Variants in MIS18A observed in about 807,000 individuals in gnomAD.
MIS18A encodes the protein protein Mis18-alpha.
Under a neutral mutation model 25.0 loss-of-function variants are expected in MIS18A, and 14 were observed. The observed-to-expected ratio is 0.56, with a 90% CI of 0.37 to 0.88. MIS18A has a LOEUF of 0.88. Among genes scored for constraint, MIS18A ranks in the 40% least tolerant of loss-of-function variants. MIS18A has a pLI of 0.00. For synonymous variants in MIS18A, 134 were observed against 118.6 expected (o/e 1.13, Z -0.84); for missense variants, 292 against 290.8 (o/e 1.00, Z -0.03).
chr21:32,263,180 A>G, the MIS18A span, among the ~76,000 whole-genome samples: 1 of 152,234 alleles, frequency 6.6e-6, no homozygotes, highest in Non-Finnish European at 1.5e-5. Flanking sequence ...TATTTATCCT[A>G]TCTGGGGAGA....
At chr21:32,175,619 C>A in the MIS18A span, among the ~76,000 whole-genome samples, 1 of 146,192 alleles carries the variant, frequency 6.8e-6, no homozygotes. Flanking sequence ...ACCAGCCTGC[C>A]CAACATAGTG....
At chr21:32,173,997 A>C in the MIS18A span, among the ~76,000 whole-genome samples, 1 of 110,508 alleles carries the variant, frequency 9.0e-6, no homozygotes, top group East Asian at 2.6e-4. Context: ...ACGGAGTCTC[A>C]CTCTGTTACC....
chr21:32,214,514 G>T, the MIS18A span, among the ~76,000 whole-genome samples: 6 of 152,072 alleles, frequency 3.9e-5, no homozygotes, highest in Non-Finnish European at 8.8e-5. Flanking sequence ...TGAGCTCTTG[G>T]GTTTTAAAAG....
chr21:32,277,367 T>A (rs1176968180), intron 1 of MIS18A, among the ~76,000 whole-genome samples: 1 of 152,196 alleles, frequency 6.6e-6, no homozygotes, highest in Non-Finnish European at 1.5e-5. Context: ...AGATGTAACA[T>A]CAAACACGTT....
chr21:32,170,885 C>A, the MIS18A span, among the ~76,000 whole-genome samples: 1 of 151,946 alleles, frequency 6.6e-6, no homozygotes, highest in South Asian at 2.1e-4. Flanking sequence ...AGGGGGGAAA[C>A]ATATGATCAT....
the MIS18A span, among the ~76,000 whole-genome samples, chr21:32,257,104 T>G: frequency 6.6e-6 from 1 of 152,160 alleles, no homozygotes; most frequent in Non-Finnish European, 1.5e-5. Flanking sequence ...GCTCTATGGC[T>G]GACATCCAAA....
the MIS18A span, among the ~76,000 whole-genome samples, chr21:32,167,085 G>A: frequency 6.6e-6 from 1 of 152,150 alleles, no homozygotes; most frequent in Non-Finnish European, 1.5e-5. Context: ...AAATTTCCAA[G>A]TTCTCAAACT....
the MIS18A span, among the ~76,000 whole-genome samples, chr21:32,232,563 C>T: frequency 1.3e-5 from 2 of 151,648 alleles, no homozygotes; most frequent in African/African-American, 4.8e-5. Context: ...TATTATTCAG[C>T]CTTTAAAAAA....
chr21:32,165,581 T>C, the MIS18A span, among the ~76,000 whole-genome samples: 1 of 144,714 alleles, frequency 6.9e-6, no homozygotes, highest in East Asian at 2.0e-4. Flanking sequence ...CTGTTCTTCA[T>C]GAACACCAGC....
chr21:32,216,415 C>T, the MIS18A span, among the ~76,000 whole-genome samples: 1 of 152,210 alleles, frequency 6.6e-6, no homozygotes, highest in Non-Finnish European at 1.5e-5. Context: ...ACCAACAATG[C>T]TGTCTTTATG....
At chr21:32,197,437 T>G in the MIS18A span, among the ~76,000 whole-genome samples, 1 of 152,206 alleles carries the variant, frequency 6.6e-6, no homozygotes, top group Non-Finnish European at 1.5e-5. Flanking sequence ...GACCACCGGT[T>G]CCAGCCATGC....
chr21:32,227,876 A>G, the MIS18A span, among the ~76,000 whole-genome samples: 6 of 152,242 alleles, frequency 3.9e-5, no homozygotes, highest in Admixed American at 2.6e-4. Flanking sequence ...TATCCCAGAA[A>G]TGCAATATGG....
At chr21:32,248,235 T>C in the MIS18A span, among the ~76,000 whole-genome samples, 54 of 152,320 alleles carry the variant, frequency 3.5e-4, no homozygotes, top group African/African-American at 1.3e-3. Flanking sequence ...AGCCGTGACA[T>C]TGACATGTGT....
At chr21:32,259,614 G>A in the MIS18A span, among the ~76,000 whole-genome samples, 1 of 152,180 alleles carries the variant, frequency 6.6e-6, no homozygotes, top group African/African-American at 2.4e-5. Flanking sequence ...AGCAGCAGGT[G>A]GTTTTCAATG....
the MIS18A span, among the ~76,000 whole-genome samples, chr21:32,256,889 A>G: frequency 6.6e-6 from 1 of 152,096 alleles, no homozygotes; most frequent in Non-Finnish European, 1.5e-5. Context: ...ATGCATGTGA[A>G]TAAGACTCAT....
the MIS18A span, among the ~76,000 whole-genome samples, chr21:32,218,242 C>T: frequency 6.8e-6 from 1 of 147,990 alleles, no homozygotes; most frequent in South Asian, 2.2e-4. Context: ...AAGAATCTGT[C>T]ACTTGCACCT....
chr21:32,201,135 GAGAA>G, the MIS18A span, among the ~76,000 whole-genome samples: 5 of 152,096 alleles, frequency 3.3e-5, no homozygotes, highest in Non-Finnish European at 5.9e-5. Flanking sequence ...GTGAGAGAGG[GAGAA>G]AGAAAGAGAG....
chr21:32,183,029 G>C, the MIS18A span, among the ~76,000 whole-genome samples: 1 of 152,116 alleles, frequency 6.6e-6, no homozygotes, highest in African/African-American at 2.4e-5. Flanking sequence ...AATGATCAAA[G>C]GGTTTATAAG....
chr21:32,219,067 C>CAAA, the MIS18A span, among the ~76,000 whole-genome samples: 1 of 84,322 alleles, frequency 1.2e-5, no homozygotes, highest in African/African-American at 3.6e-5. Flanking sequence ...GACTCTGTCT[C>CAAA]AAAAAAAAAA....
Sources: allele counts gnomAD v4.1 joint callset (sites outside exome capture counted in the v4.1 genomes callset), GRCh38; gene constraint gnomAD v4.1.1; transcripts MANE v1.5; gene names NCBI Gene and HGNC (gene_info 2026-07-23, HGNC 2026-07-21).